LYST: variants seen among roughly 807,000 people sequenced by gnomAD.
The protein encoded by LYST is lysosomal trafficking regulator, also known as lysosomal-trafficking regulator.
LYST carries 192 observed loss-of-function variants against 413.6 expected under a neutral mutation model. The ratio of observed to expected loss-of-function variants is 0.46; its 90% CI spans 0.41 to 0.52. The LOEUF is 0.52. Ranked by LOEUF, LYST falls within the 20% of genes least tolerant of loss-of-function variation. The pLI is 0.00. For missense variants in LYST, 3,815 were observed against 4,499.9 expected (o/e 0.85, Z 4.35); for synonymous variants, 1,525 against 1,567.3 (o/e 0.97, Z 0.64).
chr1:235,746,956 A>G (rs781478675), intron 28 of LYST, among the ~76,000 whole-genome samples: 1 of 152,240 alleles, frequency 6.6e-6, no homozygotes, highest in Non-Finnish European at 1.5e-5. Context: ...GTTGAATTTC[A>G]TAAAGTAGTT....
chr1:235,843,290 C>A (rs1399865606), intron 1 of LYST, among the ~76,000 whole-genome samples: 4 of 151,930 alleles, frequency 2.6e-5, no homozygotes, highest in Non-Finnish European at 5.9e-5. Flanking sequence ...TATTAATATG[C>A]TCCAGCTCAT....
chr1:235,813,522 G>A (rs1333197648), intron 3 of LYST, among the ~76,000 whole-genome samples: 2 of 152,150 alleles, frequency 1.3e-5, no homozygotes, highest in African/African-American at 4.8e-5. Context: ...AATATATAAG[G>A]AGAGAAAGAC....
chr1:235,825,013 T>A (rs1485436592), intron 3 of LYST, among the ~76,000 whole-genome samples: 1 of 151,846 alleles, frequency 6.6e-6, no homozygotes, highest in Non-Finnish European at 1.5e-5. Context: ...GAGTTGAGAC[T>A]CTGTCTCAAA....
In LYST at chr1:235,805,957, T is replaced by C; in HGVS notation, c.3179A>G (p.Asp1060Gly). ...SELGSLKKSA[D>G]SLGKLELQHI... is the part of the protein sequence containing the mutation. ...CTGTAACTCTAATTTACCTAAACTGTCAGCACTCTTTTTTAGACTACCTAG... is the reference window on the plus strand; with the variant it reads ...CTGTAACTCTAATTTACCTAAACTGCCAGCACTCTTTTTTAGACTACCTAG... The change falls in exon 6 of 53, where the codon GAC (aspartate) becomes GGC (glycine). Residue 1060 changes from aspartate to glycine, a missense_variant. Around this residue, in one of 4 missense-constraint regions of LYST, gnomAD observed 1,648 missense variants for 1,810.3 expected, o/e 0.91. Coordinates refer to ENST00000389793, the MANE Select transcript of LYST (RefSeq NM_000081.4). The C allele has an allele frequency of 3.1e-6, 5 of 1,613,842 alleles. No homozygotes were observed. Among genetic ancestry groups the C allele is most frequent in the Non-Finnish European group, 4.2e-6 (5 of 1,179,798 alleles).
chr1:235,672,143 T>G (rs1223953194), intron 50 of LYST, among the ~76,000 whole-genome samples: 1 of 152,196 alleles, frequency 6.6e-6, no homozygotes, highest in Non-Finnish European at 1.5e-5. Flanking sequence ...GGAACAAGTT[T>G]GGAGGAATGT....
intron 50 of LYST, among the ~76,000 whole-genome samples, chr1:235,673,289 C>T (rs995932114): frequency 6.6e-6 from 1 of 152,052 alleles, no homozygotes; most frequent in East Asian, 1.9e-4. Flanking sequence ...AAGTCAAGCT[C>T]ACCCCAAAAT....
At chr1:235,767,147 C>T (rs959813227) in intron 20 of LYST, among the ~76,000 whole-genome samples, 1 of 152,066 alleles carries the variant, frequency 6.6e-6, no homozygotes, top group African/African-American at 2.4e-5. Flanking sequence ...AAATAAATTG[C>T]TTATATCCTC....
chr1:235,784,120 T>C (rs1024480125), intron 14 of LYST, among the ~76,000 whole-genome samples: 12 of 152,128 alleles, frequency 7.9e-5, no homozygotes, highest in Admixed American at 3.3e-4. Flanking sequence ...GCTCAAGCAA[T>C]CCTTCTGCCT....
At chr1:235,699,281 C>T (rs2103091983) in intron 45 of LYST, among the ~76,000 whole-genome samples, 1 of 152,216 alleles carries the variant, frequency 6.6e-6, no homozygotes, top group East Asian at 1.9e-4. Flanking sequence ...TTTTCCCCTC[C>T]CTGTGTCCAT....
At chr1:235,791,621 C>T in intron 12 of LYST, 78 bp downstream of exon 12, 1 of 1,211,476 alleles carries the variant, frequency 8.3e-7, no homozygotes, top group Non-Finnish European at 1.2e-6. Flanking sequence ...AAGAACACTA[C>T]CACATTTTTA....
intron 8 of LYST, among the ~76,000 whole-genome samples, chr1:235,801,542 A>C (rs577824275): frequency 6.6e-6 from 1 of 151,962 alleles, no homozygotes; most frequent in Non-Finnish European, 1.5e-5. Flanking sequence ...TGAGAAACAG[A>C]CTCTGTCTTA....
rs1369483724 is a variant in LYST, at chr1:235,830,443, A to G, written c.-7-19T>C. On this transcript the variant is annotated intron_variant, in intron 2 of 52. Transcript: ENST00000389793. ...GACCGAGCTATAAAATAAGTATTAC[A>G]AAAAAAAAAGATTAGGAAAACAAAT... The G allele has an allele frequency of 8.2e-7, 1 of 1,218,738 alleles. No homozygotes were observed. Among genetic ancestry groups the G allele is most frequent in the Middle Eastern group, 2.0e-4 (1 of 4,948 alleles). 75.5% of individuals were successfully genotyped at this position (1,218,738 alleles called of 1,614,324 possible).
Position 235,762,621 on chromosome 1 carries a change from G to A in LYST, c.6253+99C>T, listed in dbSNP as rs573712134. On this transcript the variant is annotated intron_variant, in intron 22 of 52. Coordinates refer to ENST00000389793, the MANE Select transcript of LYST (RefSeq NM_000081.4). ...GGTGTCTCTTGTTAGATTGAATGAGGTTGTACTACATATACTTCTAAAATA... is the reference window on the plus strand; with the variant it reads ...GGTGTCTCTTGTTAGATTGAATGAGATTGTACTACATATACTTCTAAAATA... 21 of 1,218,664 alleles carry A rather than the reference G, an allele frequency of 1.7e-5. No homozygotes were observed. In the Admixed American group the frequency reaches 3.2e-4, roughly 18 times the overall value. 75.5% of individuals were successfully genotyped at this position (1,218,664 alleles called of 1,614,324 possible).
At chr1:235,712,479 G>C (rs1345700546) in intron 42 of LYST, 1 of 490,478 alleles carries the variant, frequency 2.0e-6, no homozygotes, top group African/African-American at 2.1e-5. Flanking sequence ...AAAGTAGAAT[G>C]AAAGTTCCAC....
chr1:235,777,086 T>G lies in LYST; in HGVS notation c.5437A>C (p.Ile1813Leu), dbSNP rs950092196. Reference protein sequence around the residue: ...GILHEIGGTGIFVFLFARVVE... With the variant: ...GILHEIGGTGLFVFLFARVVE... ...ACCCTGGCAAAGAGAAAAACAAATA[T>G]GCCAGTTCCACCAATTTCGTGCAGA... is the stretch of plus-strand genomic sequence containing the variant. The change falls in exon 17 of 53, where the codon ATA (isoleucine) becomes CTA (leucine). Residue 1813 changes from isoleucine (I) to leucine (L), a missense_variant. Transcript: ENST00000389793. 2 of 1,613,450 alleles carry G rather than the reference T, an allele frequency of 1.2e-6. No individual in the cohort carries two copies. Among genetic ancestry groups the G allele is most frequent in the African/African-American group, 1.3e-5 (1 of 74,904 alleles).
chr1:235,666,803 AT>A (rs1658526189), intron 50 of LYST, among the ~76,000 whole-genome samples: 1 of 152,194 alleles, frequency 6.6e-6, no homozygotes, highest in South Asian at 2.1e-4. Flanking sequence ...TGGCTAAAAT[AT>A]TTTTTTAAAA....
chr1:235,751,110 G>C, intron 28 of LYST, 100 bp downstream of exon 28: 1 of 1,202,860 alleles, frequency 8.3e-7, no homozygotes. Flanking sequence ...TAAATTTTAT[G>C]TAAAACAAGA....
intron 5 of LYST, among the ~76,000 whole-genome samples, chr1:235,807,514 A>G (rs917395268): frequency 1.3e-5 from 2 of 152,218 alleles, no homozygotes; most frequent in African/African-American, 4.8e-5. Context: ...CAATGCCAAA[A>G]TGTCAGAAAA....
chr1:235,748,096 T>TAATGCCTGTCTCATTCTC (rs1323763125), intron 28 of LYST, among the ~76,000 whole-genome samples: 1 of 152,198 alleles, frequency 6.6e-6, no homozygotes, highest in Non-Finnish European at 1.5e-5. Flanking sequence ...ATATAAAACA[T>TAATGCCTGTCTCATTCTC]AATGCCTGTC....
Sources: allele counts gnomAD v4.1 joint callset (sites outside exome capture counted in the v4.1 genomes callset), GRCh38; gene constraint gnomAD v4.1.1; regional missense constraint gnomAD v4.1.1; transcripts MANE v1.5; gene names NCBI Gene and HGNC (gene_info 2026-07-23, HGNC 2026-07-21).